PAPPA2: variants seen among roughly 807,000 people sequenced by gnomAD.
The protein encoded by PAPPA2 is pappalysin 2, also known as pappalysin-2.
In PAPPA2, 86 loss-of-function variants were observed where a neutral mutation model predicts 176.4. The ratio of observed to expected loss-of-function variants is 0.49; its 90% CI spans 0.41 to 0.58. The LOEUF (loss-of-function observed/expected upper bound fraction) is 0.58. Ranked by LOEUF, PAPPA2 falls within the 20% of genes least tolerant of loss-of-function variation. The pLI is 0.00. For synonymous variants in PAPPA2, 809 were observed against 852.2 expected (o/e 0.95, Z 0.88); for missense variants, 2,073 against 2,256.9 (o/e 0.92, Z 1.65).
chr1:176,813,359 T>C lies in PAPPA2; in HGVS notation c.5202+13227T>C, dbSNP rs563496691. 3.9e-5 allele frequency among the ~76,000 whole-genome samples: 6 copies of C among 152,316 alleles called. No individual in the cohort carries two copies. The East Asian group carries it at 7.7e-4, about 20-fold the overall frequency. ...TTCTGCCTCTAGGTCTTTGAGGAATTGCCACACTGTCTTCTACAATGGCTA... is the reference window on the plus strand; with the variant it reads ...TTCTGCCTCTAGGTCTTTGAGGAATCGCCACACTGTCTTCTACAATGGCTA... On this transcript the variant is annotated intron_variant, in intron 21 of 22. Transcript: ENST00000367662.
chr1:176,469,505 G>A (rs76292150), intron 1 of PAPPA2, among the ~76,000 whole-genome samples: 2,032 of 152,296 alleles, frequency 0.013, 37 homozygotes, highest in African/African-American at 0.047. Context: ...AATGGGGACC[G>A]CAGCTTGGGT....
Position 176,793,482 on chromosome 1 carries a change from C to T in PAPPA2, c.5021-78C>T, listed in dbSNP as rs1665275780. Reference sequence around the variant, plus strand: ...TGAAAGCAGTTGTTCTTTAAAAACTCAAAGCTATTGATTCCTGAAAGAAAA... The same window carrying T: ...TGAAAGCAGTTGTTCTTTAAAAACTTAAAGCTATTGATTCCTGAAAGAAAA... On this transcript the variant is annotated intron_variant, in intron 19 of 22. Transcript: ENST00000367662. 1.8e-5 allele frequency: 23 copies of T among 1,276,186 alleles called. No individual in the cohort carries two copies. In the South Asian group the frequency reaches 2.7e-4, roughly 15 times the overall value. 79.1% of individuals were successfully genotyped at this position (1,276,186 alleles called of 1,614,324 possible).
intron 4 of PAPPA2, among the ~76,000 whole-genome samples, chr1:176,685,196 A>G (rs187747831): frequency 1.0e-3 from 153 of 152,220 alleles, no homozygotes; most frequent in Non-Finnish European, 1.7e-3. Context: ...AAGTGGTCTA[A>G]TATATATTTT....
Position 176,680,434 on chromosome 1 carries a change from G to C in PAPPA2, c.2137+9319G>C, listed in dbSNP as rs534534803. ...TTACCTATTTCTCAGCTAAAAACTTGAATACAACAACTCTTTTGTGATCAC... is the reference window on the plus strand; with the variant it reads ...TTACCTATTTCTCAGCTAAAAACTTCAATACAACAACTCTTTTGTGATCAC... On this transcript the variant is annotated intron_variant, in intron 4 of 22. Coordinates refer to ENST00000367662, the MANE Select transcript of PAPPA2 (RefSeq NM_020318.3). 3.1e-3 allele frequency among the ~76,000 whole-genome samples: 445 copies of C among 142,716 alleles called. 3 individuals are homozygous for C. Among genetic ancestry groups the C allele is most frequent in the African/African-American group, 8.8e-3 (324 of 36,976 alleles). 93.6% of individuals were successfully genotyped at this position (142,716 alleles called of 152,430 possible).
intron 21 of PAPPA2, among the ~76,000 whole-genome samples, chr1:176,829,755 C>T (rs1667013992): frequency 6.6e-6 from 1 of 152,180 alleles, no homozygotes; most frequent in South Asian, 2.1e-4. Flanking sequence ...AGAGCATGTA[C>T]CGCCTCATGT....
chr1:176,807,543 T>G (rs890216544), intron 21 of PAPPA2, among the ~76,000 whole-genome samples: 1 of 151,372 alleles, frequency 6.6e-6, no homozygotes, highest in Non-Finnish European at 1.5e-5. Context: ...TCACCCAGGC[T>G]GGAGTGCAGT....
At chr1:176,791,726 G>A (rs918049714) in intron 19 of PAPPA2, among the ~76,000 whole-genome samples, 1 of 151,954 alleles carries the variant, frequency 6.6e-6, no homozygotes. Flanking sequence ...GCTAATTTTT[G>A]TGTTTTTAGT....
intron 1 of PAPPA2, among the ~76,000 whole-genome samples, chr1:176,543,203 C>A (rs903731785): frequency 6.6e-6 from 1 of 152,160 alleles, no homozygotes; most frequent in Non-Finnish European, 1.5e-5. Context: ...GATGAAGAGG[C>A]AGCTAGGCTT....
intron 21 of PAPPA2, among the ~76,000 whole-genome samples, chr1:176,825,342 T>C (rs1450671507): frequency 6.6e-6 from 1 of 152,230 alleles, no homozygotes; most frequent in Non-Finnish European, 1.5e-5. Context: ...CATGGTCTCA[T>C]TTATCCCCCG....
At chr1:176,702,928 G>GT (rs1169599591) in intron 9 of PAPPA2, among the ~76,000 whole-genome samples, 193 bp downstream of exon 9, 1 of 152,092 alleles carries the variant, frequency 6.6e-6, no homozygotes, top group Non-Finnish European at 1.5e-5. Context: ...CTGGGACTTG[G>GT]TTGTGTCAGG....
chr1:176,554,301 G>A (rs561548661), intron 1 of PAPPA2, among the ~76,000 whole-genome samples: 1 of 152,344 alleles, frequency 6.6e-6, no homozygotes, highest in South Asian at 2.1e-4. Flanking sequence ...GGCAACACAA[G>A]CAGTGACTTT....
chr1:176,617,083 T>C (rs1177579004), intron 3 of PAPPA2, among the ~76,000 whole-genome samples: 4 of 152,202 alleles, frequency 2.6e-5, no homozygotes, highest in African/African-American at 9.7e-5. Context: ...CACTTTTGTG[T>C]CCAGGATAAC....
chr1:176,755,335 A>G (rs1381283928), intron 14 of PAPPA2, among the ~76,000 whole-genome samples: 1 of 152,138 alleles, frequency 6.6e-6, no homozygotes, highest in African/African-American at 2.4e-5. Flanking sequence ...AATCCTTAAG[A>G]CTTCCATTTA....
chr1:176,479,952 A>T (rs1040804116), intron 1 of PAPPA2, among the ~76,000 whole-genome samples: 3 of 152,248 alleles, frequency 2.0e-5, no homozygotes, highest in African/African-American at 7.2e-5. Flanking sequence ...TTGAAGTTTT[A>T]GCCTGTAGAA....
At chr1:176,792,307 A>G (rs1374939988) in intron 19 of PAPPA2, among the ~76,000 whole-genome samples, 1 of 152,174 alleles carries the variant, frequency 6.6e-6, no homozygotes, top group African/African-American at 2.4e-5. Flanking sequence ...TTGTAAGATT[A>G]CTCCTAAATT....
At chr1:176,756,175 G>C (rs1321815567) in intron 14 of PAPPA2, among the ~76,000 whole-genome samples, 3 of 152,070 alleles carry the variant, frequency 2.0e-5, no homozygotes, top group African/African-American at 7.2e-5. Flanking sequence ...GGCTGGTCTC[G>C]AACTCCTGAC....
intron 1 of PAPPA2, among the ~76,000 whole-genome samples, chr1:176,527,084 T>G (rs1649537463): frequency 6.6e-6 from 1 of 152,206 alleles, no homozygotes; most frequent in Non-Finnish European, 1.5e-5. Context: ...AGTGCTAGGA[T>G]TACAGGCATG....
intron 3 of PAPPA2, among the ~76,000 whole-genome samples, chr1:176,666,835 A>G (rs1022297786): frequency 2.5e-4 from 38 of 152,176 alleles, no homozygotes; most frequent in African/African-American, 9.2e-4. Flanking sequence ...GTGGAACTGA[A>G]AATCTTAATG....
intron 1 of PAPPA2, among the ~76,000 whole-genome samples, chr1:176,497,689 A>C (rs1184500250): frequency 1.3e-5 from 2 of 152,158 alleles, no homozygotes; most frequent in Non-Finnish European, 2.9e-5. Context: ...AATTAACTGG[A>C]CCTTAGTGGG....
Sources: gnomAD v4.1 joint callset for allele counts (sites outside exome capture counted in the v4.1 genomes callset) on GRCh38, gnomAD v4.1.1 for gene constraint, MANE v1.5 for transcripts, NCBI Gene and HGNC (gene_info 2026-07-23, HGNC 2026-07-21) for gene names.